FHIT: variants seen among roughly 807,000 people sequenced by gnomAD.
FHIT encodes fragile histidine triad diadenosine triphosphatase, also known as bis(5'-adenosyl)-triphosphatase.
Under a neutral mutation model 17.9 loss-of-function variants are expected in FHIT, and 19 were observed. That is an observed-to-expected ratio of 1.06 (90% CI 0.74 to 1.56). The LOEUF (loss-of-function observed/expected upper bound fraction) is 1.56. Ranked by LOEUF, FHIT falls within the 40% of genes most tolerant of loss-of-function variation. FHIT has a pLI of 0.00. For synonymous variants in FHIT, 81 were observed against 69.7 expected (o/e 1.16, Z -0.81); for missense variants, 248 against 189.2 (o/e 1.31, Z -1.82).
chr3:60,493,081 A>C (rs1324636506), intron 5 of FHIT, among the ~76,000 whole-genome samples: 3 of 152,160 alleles, frequency 2.0e-5, no homozygotes, highest in African/African-American at 7.2e-5. Context: ...ATTCAGAGAA[A>C]ATGGTTCTTA....
At chr3:59,982,209 A>G (rs367868317) in intron 7 of FHIT, among the ~76,000 whole-genome samples, 6 of 152,268 alleles carry the variant, frequency 3.9e-5, no homozygotes, top group African/African-American at 1.2e-4. Context: ...GGGCTTATGA[A>G]TCCTATTTGA....
chr3:60,460,416 A>G (rs879256744), intron 5 of FHIT, among the ~76,000 whole-genome samples: 2 of 147,924 alleles, frequency 1.4e-5, no homozygotes, highest in African/African-American at 5.0e-5. Flanking sequence ...TATATTGGTT[A>G]AAAAAAAAAG....
intron 5 of FHIT, among the ~76,000 whole-genome samples, chr3:60,116,795 A>G (rs796562944): frequency 5.3e-5 from 8 of 152,278 alleles, no homozygotes; most frequent in African/African-American, 1.9e-4. Flanking sequence ...TTCTCTGTTG[A>G]TATGAAAATT....
At chr3:60,803,528 G>A (rs992044647) in intron 4 of FHIT, among the ~76,000 whole-genome samples, 1 of 152,186 alleles carries the variant, frequency 6.6e-6, no homozygotes, top group Non-Finnish European at 1.5e-5. Flanking sequence ...AGTATAAAAG[G>A]TGCAGTGTAT....
chr3:60,124,398 C>T (rs1342190576), intron 5 of FHIT, among the ~76,000 whole-genome samples: 2 of 152,006 alleles, frequency 1.3e-5, no homozygotes, highest in Non-Finnish European at 2.9e-5. Context: ...AAAAAAAATA[C>T]TTGAATCTTC....
chr3:60,307,478 C>T (rs1030963906), intron 5 of FHIT, among the ~76,000 whole-genome samples: 1 of 152,144 alleles, frequency 6.6e-6, no homozygotes, highest in Non-Finnish European at 1.5e-5. Context: ...GGATTGAATG[C>T]CATGCTTGAG....
chr3:59,750,530 G>A (rs1196169923), intron 9 of FHIT: 3 of 225,334 alleles, frequency 1.3e-5, no homozygotes, highest in Non-Finnish European at 2.6e-5. Flanking sequence ...ATGGTGAACA[G>A]TGGAAAAGGT....
At chr3:60,744,270 A>AAAAAAAAAAAAAC (rs2042308018) in intron 4 of FHIT, among the ~76,000 whole-genome samples, 4 of 22,512 alleles carry the variant, frequency 1.8e-4, no homozygotes, top group Admixed American at 3.8e-4. Context: ...AAACAAAACA[A>AAAAAAAAAAAAAC]AAAAAAAAAA....
chr3:59,817,224 G>C (rs1346615273), intron 8 of FHIT, among the ~76,000 whole-genome samples: 1 of 152,162 alleles, frequency 6.6e-6, no homozygotes, highest in Non-Finnish European at 1.5e-5. Flanking sequence ...GTTTGTGTGT[G>C]TTGTTAGTGT....
intron 7 of FHIT, among the ~76,000 whole-genome samples, chr3:59,933,704 T>C (rs898011734): frequency 6.6e-6 from 1 of 152,172 alleles, no homozygotes; most frequent in Non-Finnish European, 1.5e-5. Flanking sequence ...AACAGGCCAG[T>C]GTAATAACAA....
chr3:60,287,054 A>G lies in FHIT; in HGVS notation c.103+249806T>C, dbSNP rs147615013. Among the ~76,000 whole-genome samples the G allele has an allele frequency of 7.6e-3, 1,165 of 152,310 alleles. 10 individuals carry two copies. The highest frequency in any genetic ancestry group is 0.037 in the Middle Eastern group (11 of 294). On this transcript the variant is annotated intron_variant, in intron 5 of 9. Transcript: ENST00000492590. The stretch of plus-strand genomic sequence containing the variant: ...GTTCTACTTTTCCTCCTGATGCCGA[A>G]AAAACCATGTCATGTTAACAAATTC...
chr3:60,425,986 C>T (rs1344738750), intron 5 of FHIT, among the ~76,000 whole-genome samples: 1 of 152,066 alleles, frequency 6.6e-6, no homozygotes, highest in Non-Finnish European at 1.5e-5. Flanking sequence ...TTTATGTGCA[C>T]AGCAATAACA....
chr3:60,605,769 G>A (rs2038589073), intron 4 of FHIT, among the ~76,000 whole-genome samples: 1 of 152,168 alleles, frequency 6.6e-6, no homozygotes, highest in African/African-American at 2.4e-5. Context: ...GGGGCACCTG[G>A]TTCTTGCCTA....
chr3:60,029,966 A>G (rs1700932938), intron 5 of FHIT, among the ~76,000 whole-genome samples: 1 of 146,146 alleles, frequency 6.8e-6, no homozygotes, highest in Non-Finnish European at 1.5e-5. Flanking sequence ...GGCTTTTTGC[A>G]GAGTCTTTTA....
chr3:60,979,436 G>C (rs150258871), intron 3 of FHIT, among the ~76,000 whole-genome samples: 90 of 152,238 alleles, frequency 5.9e-4, no homozygotes, highest in African/African-American at 2.0e-3. Context: ...TTAATAAAGA[G>C]GGAAAAAGGA....
chr3:61,010,557 C>T (rs1177894547), intron 3 of FHIT, among the ~76,000 whole-genome samples: 1 of 152,164 alleles, frequency 6.6e-6, no homozygotes. Flanking sequence ...TAAATCTGGA[C>T]TAAACAACCA....
chr3:60,043,146 C>T (rs544813610), intron 5 of FHIT, among the ~76,000 whole-genome samples: 39 of 152,290 alleles, frequency 2.6e-4, no homozygotes, highest in Admixed American at 1.4e-3. Context: ...GACAGCTGGA[C>T]AGTTAAAAGC....
chr3:61,228,756 G>A (rs893849466), intron 1 of FHIT, among the ~76,000 whole-genome samples: 2 of 152,170 alleles, frequency 1.3e-5, no homozygotes, highest in Non-Finnish European at 2.9e-5. Context: ...CTAGAATGGT[G>A]AGAGGTTCTG....
At chr3:61,240,233 A>G (rs2040341345) in intron 1 of FHIT, among the ~76,000 whole-genome samples, 1 of 152,322 alleles carries the variant, frequency 6.6e-6, no homozygotes, top group East Asian at 1.9e-4. Flanking sequence ...TTCAAACTAC[A>G]GTGGCTACCT....
Sources: gnomAD v4.1 joint callset for allele counts (sites outside exome capture counted in the v4.1 genomes callset) on GRCh38, gnomAD v4.1.1 for gene constraint, MANE v1.5 for transcripts, NCBI Gene and HGNC (gene_info 2026-07-23, HGNC 2026-07-21) for gene names.